PARD6G: variants seen among roughly 807,000 people sequenced by gnomAD.
The protein encoded by PARD6G is partitioning defective 6 homolog gamma.
In PARD6G, 7 loss-of-function variants were observed where a neutral mutation model predicts 10.7. That is an observed-to-expected ratio of 0.66 (90% CI 0.37 to 1.23). The LOEUF (loss-of-function observed/expected upper bound fraction) is 1.23. Among genes scored for constraint, PARD6G ranks in the 50% most tolerant of loss-of-function variants. PARD6G has a pLI of 0.02. For missense variants in PARD6G, 548 were observed against 571.8 expected (o/e 0.96, Z 0.42); for synonymous variants, 287 against 269.4 (o/e 1.07, Z -0.64).
chr18:80,194,667 C>T (rs1445172495), intron 2 of PARD6G, among the ~76,000 whole-genome samples: 1 of 151,864 alleles, frequency 6.6e-6, no homozygotes, highest in Non-Finnish European at 1.5e-5. Context: ...CTCCAAAATA[C>T]TAGTGCAGGA....
At position 80,184,427 on chromosome 18, in the gene PARD6G, G is replaced by C. The variant is rs1319142708; in HGVS notation, c.295+18283C>G. The C allele has an allele frequency of 2.0e-5, 3 of 152,308 alleles. No homozygotes were observed. Among genetic ancestry groups the C allele is most frequent in the Non-Finnish European group, 4.4e-5 (3 of 68,094 alleles). 9.4% of individuals were successfully genotyped at this position (152,308 alleles called of 1,614,324 possible). A position where few individuals can be genotyped will look rare whatever the true frequency, so the allele number is the denominator to read the frequency against. ...CCAACCGATGAACACAGGGTGACCT[G>C]TCCATACAGTGGGGTCTCAGCCACA... On this transcript the variant is annotated intron_variant, in intron 2 of 2. Coordinates refer to ENST00000353265, the MANE Select transcript of PARD6G (RefSeq NM_032510.4). The surrounding 1 kb of genome is among the most constrained non-coding windows in gnomAD (Gnocchi z 4.5).
intron 1 of PARD6G, among the ~76,000 whole-genome samples, chr18:80,209,543 GCTCACACCTGTAAT>G (rs912435393): frequency 4.1e-4 from 63 of 152,192 alleles, no homozygotes; most frequent in Non-Finnish European, 7.1e-4. Context: ...AGGTGTGGTG[GCTCACACCTGTAAT>G]CCCAGGACTT....
chr18:80,197,283 T>C (rs1378989584), intron 2 of PARD6G, among the ~76,000 whole-genome samples: 1 of 152,236 alleles, frequency 6.6e-6, no homozygotes, highest in Non-Finnish European at 1.5e-5. Flanking sequence ...AGGATTTCTA[T>C]GCTTGATACT....
chr18:80,192,096 G>A lies in PARD6G; in HGVS notation c.295+10614C>T, dbSNP rs1268987397. Among the ~76,000 whole-genome samples, 1 of 152,190 alleles carries A rather than the reference G, an allele frequency of 6.6e-6. No homozygotes were observed. The highest frequency in any genetic ancestry group is 1.9e-4 in the East Asian group (1 of 5,200). ...AGAAGGTCAGCGTTAACCACAAGAA[G>A]TTTCCATTTGATCATTAAGGAGTCA... is the stretch of plus-strand genomic sequence containing the variant. On this transcript the variant is annotated intron_variant, in intron 2 of 2. Coordinates refer to ENST00000353265, the MANE Select transcript of PARD6G (RefSeq NM_032510.4). The surrounding 1 kb of genome is among the most constrained non-coding windows in gnomAD (Gnocchi z 4.9).
At position 80,192,230 on chromosome 18, in the gene PARD6G, T is replaced by C. The variant is rs1228105950; in HGVS notation, c.295+10480A>G. ...CATTCCTGAGAAGCAAGAACATCAATGAACACTCTCCTTCGGTGGTCTCTG... is the reference window on the plus strand; with the variant it reads ...CATTCCTGAGAAGCAAGAACATCAACGAACACTCTCCTTCGGTGGTCTCTG... On this transcript the variant is annotated intron_variant, in intron 2 of 2. Transcript: ENST00000353265. This position sits in a 1 kb window ranked among gnomAD's most constrained non-coding sequence, Gnocchi z 4.9. Among the ~76,000 whole-genome samples, 2 of 152,226 alleles carry C rather than the reference T, an allele frequency of 1.3e-5. No homozygotes were observed. Among genetic ancestry groups the C allele is most frequent in the African/African-American group, 4.8e-5 (2 of 41,462 alleles).
chr18:80,229,715 CTG>C (rs1400121393), intron 1 of PARD6G, among the ~76,000 whole-genome samples: 1 of 152,170 alleles, frequency 6.6e-6, no homozygotes, highest in Non-Finnish European at 1.5e-5. Context: ...ATTGCAAACT[CTG>C]AGAGATGCAA....
At chr18:80,187,271 G>C (rs779301200) in intron 2 of PARD6G, among the ~76,000 whole-genome samples, 36 of 152,268 alleles carry the variant, frequency 2.4e-4, no homozygotes, top group Non-Finnish European at 4.3e-4. Context: ...GCGTGGGTGG[G>C]TGCTGTCAGG....
intron 1 of PARD6G, among the ~76,000 whole-genome samples, chr18:80,214,372 G>A (rs937754205): frequency 5.3e-5 from 8 of 151,842 alleles, no homozygotes; most frequent in East Asian, 3.9e-4. Flanking sequence ...AGGCTGAGGC[G>A]GGAGAATGGC....
chr18:80,218,758 G>A (rs188274719), intron 1 of PARD6G, among the ~76,000 whole-genome samples: 153 of 152,344 alleles, frequency 1.0e-3, no homozygotes, highest in Admixed American at 5.7e-3. Flanking sequence ...TTCTCTATGA[G>A]GTCTCTGCCC....
intron 1 of PARD6G, among the ~76,000 whole-genome samples, chr18:80,224,650 A>C (rs967027698): frequency 1.3e-5 from 2 of 152,192 alleles, no homozygotes; most frequent in African/African-American, 4.8e-5. Flanking sequence ...GTTCAAGACC[A>C]ACCTGGCTAA....
chr18:80,224,305 C>T (rs1378216948), intron 1 of PARD6G, among the ~76,000 whole-genome samples: 1 of 152,166 alleles, frequency 6.6e-6, no homozygotes, highest in Non-Finnish European at 1.5e-5. Flanking sequence ...ATTTACCATA[C>T]GTTTAAACAA....
In PARD6G at chr18:80,231,926, G is replaced by C. The variant is rs1967362017; in HGVS notation, c.72+15351C>G. 6.6e-6 allele frequency among the ~76,000 whole-genome samples: 1 copy of C among 152,176 alleles called. No individual in the cohort carries two copies. The highest frequency in any genetic ancestry group is 2.4e-5 in the African/African-American group (1 of 41,442). ...GCACAGGATAGTAAGCCTGTTTTGG[G>C]CTCACACTGTGGGCCTGAGCTGCTG... is the stretch of plus-strand genomic sequence containing the variant. On this transcript the variant is annotated intron_variant, in intron 1 of 2. Transcript: ENST00000353265. The surrounding 1 kb of genome is among the most constrained non-coding windows in gnomAD (Gnocchi z 4.2).
rs1195501166 is a variant in PARD6G at position 80,159,967 on chromosome 18, G to A, written c.935C>T (p.Pro312Leu). 2.0e-6 allele frequency: 3 copies of A among 1,498,678 alleles called. No homozygotes were observed. The highest frequency in any genetic ancestry group is 4.9e-5 in the East Asian group (2 of 41,148). 92.8% of individuals were successfully genotyped at this position (1,498,678 alleles called of 1,614,324 possible). The change falls in exon 3 of 3, where the codon CCC (proline) becomes CTC (leucine). Residue 312 changes from proline to leucine, a missense_variant. Physicochemically the swap from Pro to Leu is moderately conservative, Grantham distance 98. Around this residue, in one of 2 missense-constraint regions of PARD6G, gnomAD observed 313 missense variants for 279.9 expected, o/e 1.12. Transcript: ENST00000353265. ...VIEGTLEPAR[P>L]PQTPGAPAGS... ...TGCGGGCGCGCCCGGGGTCTGGGGG[G>A]GACGTGCAGGCTCCAGTGTGCCCTC...
At chr18:80,164,832 G>A (rs2052724510) in intron 2 of PARD6G, among the ~76,000 whole-genome samples, 1 of 152,118 alleles carries the variant, frequency 6.6e-6, no homozygotes, top group Admixed American at 6.5e-5. Context: ...CAAAACGGGA[G>A]GGGGTGTAAA....
chr18:80,203,084 T>A, intron 1 of PARD6G, 152 bp from the exon 2 acceptor site: 1 of 589,234 alleles, frequency 1.7e-6, no homozygotes. Flanking sequence ...ATAAGTTGAT[T>A]TCATCTTTGC....
In PARD6G at chr18:80,228,716, A is replaced by C. The variant is rs895584184; in HGVS notation, c.72+18561T>G. Among the ~76,000 whole-genome samples the C allele has an allele frequency of 6.6e-5, 10 of 151,572 alleles. No individual in the cohort carries two copies. Among genetic ancestry groups the C allele is most frequent in the African/African-American group, 2.4e-4 (10 of 41,200 alleles). On this transcript the variant is annotated intron_variant, in intron 1 of 2. Transcript: ENST00000353265. This position sits in a 1 kb window ranked among gnomAD's most constrained non-coding sequence, Gnocchi z 4.6. Reference sequence around the variant, plus strand: ...TCCCACCTAAGGCCCTTCTCCACCAAAGACCTGCCTCACACCCCCAGGGGC... The same window carrying C: ...TCCCACCTAAGGCCCTTCTCCACCACAGACCTGCCTCACACCCCCAGGGGC...
rs560616798 is a variant in PARD6G at position 80,192,082 on chromosome 18, G to A, written c.295+10628C>T. ...GTTTTCAATGTACAAGAAGGTCAGC[G>A]TTAACCACAAGAAGTTTCCATTTGA... On this transcript the variant is annotated intron_variant, in intron 2 of 2. Transcript: ENST00000353265. This position sits in a 1 kb window ranked among gnomAD's most constrained non-coding sequence, Gnocchi z 4.9. 1.3e-4 allele frequency among the ~76,000 whole-genome samples: 20 copies of A among 152,316 alleles called. No individual in the cohort carries two copies. The highest frequency in any genetic ancestry group is 4.6e-4 in the African/African-American group (19 of 41,556).
rs147623299 is a variant in PARD6G at position 80,221,969 on chromosome 18, C to T, written c.73-19037G>A. Among the ~76,000 whole-genome samples the T allele has an allele frequency of 7.5e-3, 1,134 of 151,782 alleles. 11 individuals are homozygous for T. The highest frequency in any genetic ancestry group is 0.011 in the Admixed American group (169 of 15,268). On this transcript the variant is annotated intron_variant, in intron 1 of 2. Coordinates refer to ENST00000353265, the MANE Select transcript of PARD6G (RefSeq NM_032510.4). Reference sequence around the variant, plus strand: ...TTACAAAGGATAAAACAGGAATAAACAAAATAAGTGAAAGATTTATACATT... The same window carrying T: ...TTACAAAGGATAAAACAGGAATAAATAAAATAAGTGAAAGATTTATACATT...
At chr18:80,185,733 TAC>T (rs1208617686) in intron 2 of PARD6G, among the ~76,000 whole-genome samples, 4 of 134,134 alleles carry the variant, frequency 3.0e-5, no homozygotes, top group East Asian at 4.6e-4. Context: ...CACACGCATA[TAC>T]ACTCAGACAT....
Sources: gnomAD v4.1 joint callset for allele counts (sites outside exome capture counted in the v4.1 genomes callset) on GRCh38, gnomAD v4.1.1 for gene constraint, gnomAD v4.1.1 regional missense constraint, Gnocchi (gnomAD v3.1) non-coding constraint, MANE v1.5 for transcripts, NCBI Gene and HGNC (gene_info 2026-07-23, HGNC 2026-07-21) for gene names.